Variants in PTGFRN observed in about 807,000 individuals in gnomAD.
PTGFRN encodes the protein prostaglandin F2 receptor inhibitor, also known as prostaglandin F2 receptor negative regulator.
A neutral mutation model predicts 83.2 loss-of-function variants in PTGFRN; 35 were observed. That is an observed-to-expected ratio of 0.42 (90% confidence interval 0.32 to 0.56). The LOEUF is 0.56. Among genes scored for constraint, PTGFRN ranks in the 20% least tolerant of loss-of-function variants. PTGFRN has a pLI of 0.11. For missense variants in PTGFRN, 1,051 were observed against 1,179.5 expected (o/e 0.89, Z 1.60); for synonymous variants, 519 against 498.6 (o/e 1.04, Z -0.55).
At chr1:116,945,159 G>C in intron 3 of PTGFRN, 67 bp downstream of exon 3, 2 of 1,521,340 alleles carry the variant, frequency 1.3e-6, no homozygotes, top group Non-Finnish European at 1.8e-6. Context: ...ACAAAGAACC[G>C]GGCCAGGGAG....
At chr1:116,974,151 G>A (rs968583303) in intron 6 of PTGFRN, 65 bp from the exon 7 acceptor site, 18 of 1,280,610 alleles carry the variant, frequency 1.4e-5, no homozygotes, top group Middle Eastern at 2.2e-4. Flanking sequence ...CCCTTAGAGT[G>A]CAAAGAATGG....
At position 116,988,949 on chromosome 1, in the gene PTGFRN, A is replaced by G. The variant is rs920237656; in HGVS notation, c.*1982A>G. The G allele has an allele frequency of 6.6e-6, 1 of 152,232 alleles. No homozygotes were observed. Among genetic ancestry groups the G allele is most frequent in the Non-Finnish European group, 1.5e-5 (1 of 68,044 alleles). The allele number at this position is 152,232 out of a possible 1,614,324, so 9.4% of individuals were successfully genotyped here. Reference sequence around the variant, plus strand: ...TAACATATCCTAACTGCTATTTCAGAAGAGGCAGCTTGTAGGTGATTGTAC... The same window carrying G: ...TAACATATCCTAACTGCTATTTCAGGAGAGGCAGCTTGTAGGTGATTGTAC... On this transcript the variant is annotated 3_prime_UTR_variant, in exon 9 of 9. Transcript: ENST00000393203.
At chr1:116,935,118 A>G (rs917009849) in intron 1 of PTGFRN, among the ~76,000 whole-genome samples, 3 of 152,098 alleles carry the variant, frequency 2.0e-5, no homozygotes, top group African/African-American at 7.2e-5. Flanking sequence ...ATACCCTTCA[A>G]TGTATCTTTC....
rs763508041 is a variant in PTGFRN, at chr1:116,942,103, T to A, written c.418+20T>A. The A allele has an allele frequency of 6.3e-7, 1 of 1,590,140 alleles. No individual in the cohort carries two copies. The highest frequency in any genetic ancestry group is 2.2e-5 in the East Asian group (1 of 44,514). On this transcript the variant is annotated intron_variant, in intron 2 of 8. Coordinates refer to ENST00000393203, the MANE Select transcript of PTGFRN (RefSeq NM_020440.4). ...TTAAAGGTACAGTCCTCACATGGGCTTGTTATGCCAGGGGCCAGACCTTTC... is the reference window on the plus strand; with the variant it reads ...TTAAAGGTACAGTCCTCACATGGGCATGTTATGCCAGGGGCCAGACCTTTC...
intron 4 of PTGFRN, among the ~76,000 whole-genome samples, chr1:116,960,591 G>A (rs1311920539): frequency 6.6e-6 from 1 of 152,194 alleles, no homozygotes; most frequent in Non-Finnish European, 1.5e-5. Context: ...ACATGTGGCA[G>A]TAGCGAGAAT....
At chr1:116,974,395 T>A (rs905360680) in intron 7 of PTGFRN, 72 bp downstream of exon 7, 57 of 1,192,036 alleles carry the variant, frequency 4.8e-5, no homozygotes, top group Non-Finnish European at 6.8e-5. Context: ...CCGCACTGTG[T>A]TACACAGATG....
chr1:116,910,614 G>T (rs1251441678), intron 1 of PTGFRN, among the ~76,000 whole-genome samples: 2 of 151,974 alleles, frequency 1.3e-5, no homozygotes, highest in Non-Finnish European at 2.9e-5. Context: ...AAGGTGCTGC[G>T]GTCCCGGCCC....
At chr1:116,929,779 T>A (rs1260069030) in intron 1 of PTGFRN, among the ~76,000 whole-genome samples, 2 of 152,200 alleles carry the variant, frequency 1.3e-5, no homozygotes, top group Admixed American at 6.5e-5. Flanking sequence ...CTGGTGGCCA[T>A]GTGTCCCCAG....
At chr1:116,970,716 A>C (rs917242051) in intron 6 of PTGFRN, among the ~76,000 whole-genome samples, 1 of 152,208 alleles carries the variant, frequency 6.6e-6, no homozygotes, top group Non-Finnish European at 1.5e-5. Context: ...CAAATTCAGC[A>C]CCCAGAACAA....
intron 1 of PTGFRN, among the ~76,000 whole-genome samples, chr1:116,911,083 C>T (rs1649262064): frequency 6.7e-6 from 1 of 150,292 alleles, no homozygotes; most frequent in Admixed American, 6.7e-5. Context: ...TCACTCCATA[C>T]ACAGACACCA....
At chr1:116,969,274 G>A (rs75151654) in intron 6 of PTGFRN, among the ~76,000 whole-genome samples, 9,886 of 152,092 alleles carry the variant, frequency 0.065, 385 homozygotes, top group Non-Finnish European at 0.089. Flanking sequence ...GTTAATTTTT[G>A]TATGTGGTTA....
chr1:116,917,526 A>G lies in PTGFRN; in HGVS notation c.49+7274A>G, dbSNP rs371356927. ...GAGAGCATGGAGAGAGCAGTTTGAT[A>G]TGGCATGCAGTCTCTGCAGTGATCT... On this transcript the variant is annotated intron_variant, in intron 1 of 8. Coordinates refer to ENST00000393203, the MANE Select transcript of PTGFRN (RefSeq NM_020440.4). 4.6e-5 allele frequency among the ~76,000 whole-genome samples: 7 copies of G among 152,296 alleles called. No homozygotes were observed. In the South Asian group the frequency reaches 1.5e-3, roughly 32 times the overall value.
Position 116,941,577 on chromosome 1 carries a change from A to T in PTGFRN, c.50-138A>T. 1 of 1,205,922 alleles carries T rather than the reference A, an allele frequency of 8.3e-7. No homozygotes were observed. Among genetic ancestry groups the T allele is most frequent in the African/African-American group, 1.5e-5 (1 of 65,738 alleles). The allele number at this position is 1,205,922 out of a possible 1,614,324, so 74.7% of individuals were successfully genotyped here. ...TTAAGGGTTAGGCTTAACCTTCTGCATAGATACATTTTCCCTAGTAGTTTG... is the reference window on the plus strand; with the variant it reads ...TTAAGGGTTAGGCTTAACCTTCTGCTTAGATACATTTTCCCTAGTAGTTTG... On this transcript the variant is annotated intron_variant, in intron 1 of 8. Coordinates refer to ENST00000393203, the MANE Select transcript of PTGFRN (RefSeq NM_020440.4). The surrounding 1 kb of genome is among the most constrained non-coding windows in gnomAD (Gnocchi z 5.0).
intron 6 of PTGFRN, 115 bp downstream of exon 6, chr1:116,967,445 A>G (rs1461462361): frequency 6.6e-6 from 7 of 1,068,186 alleles, no homozygotes; most frequent in Non-Finnish European, 9.3e-6. Context: ...TATGCCATAC[A>G]ATGTACCTGT....
chr1:116,962,536 G>A (rs1450386351), intron 5 of PTGFRN: 1 of 152,606 alleles, frequency 6.6e-6, no homozygotes, highest in Non-Finnish European at 1.5e-5. Flanking sequence ...TGATTTTCAT[G>A]TGCAGCCAAG....
At chr1:116,912,661 C>G (rs1451531957) in intron 1 of PTGFRN, among the ~76,000 whole-genome samples, 11 of 152,108 alleles carry the variant, frequency 7.2e-5, no homozygotes, top group Admixed American at 7.2e-4. Flanking sequence ...TAAGCTCATC[C>G]TTTTCCTAAA....
intron 1 of PTGFRN, among the ~76,000 whole-genome samples, chr1:116,914,026 C>T (rs1052624264): frequency 6.6e-6 from 1 of 152,210 alleles, no homozygotes; most frequent in African/African-American, 2.4e-5. Context: ...CTAAACTGCT[C>T]TAACAAACTC....
rs547298482 is a variant in PTGFRN, at chr1:116,954,055, G to T, written c.1213+4483G>T. ...GTATTTTTAGTAGAGATAGGGTTTC[G>T]CCACGTTGGCCAGGCTGGTCTCAAA... On this transcript the variant is annotated intron_variant, in intron 4 of 8. Transcript: ENST00000393203. Among the ~76,000 whole-genome samples the T allele has an allele frequency of 5.9e-5, 9 of 151,776 alleles. No individual in the cohort carries two copies. The South Asian group carries it at 1.7e-3, about 28-fold the overall frequency.
At position 116,979,675 on chromosome 1, in the gene PTGFRN, A is replaced by G. The variant is rs368779547; in HGVS notation, c.2168-5005A>G. Among the ~76,000 whole-genome samples the G allele has an allele frequency of 7.2e-5, 11 of 152,212 alleles. No homozygotes were observed. In the East Asian group the frequency reaches 1.7e-3, roughly 24 times the overall value. On this transcript the variant is annotated intron_variant, in intron 7 of 8. Transcript: ENST00000393203. ...GGAAAACTGGCTAGCCATATGTAGA[A>G]AGCTGAAACTGGATCCCTTCCTTAC...
Sources: gnomAD v4.1 joint callset for allele counts (sites outside exome capture counted in the v4.1 genomes callset) on GRCh38, gnomAD v4.1.1 for gene constraint, Gnocchi (gnomAD v3.1) non-coding constraint, MANE v1.5 for transcripts, NCBI Gene and HGNC (gene_info 2026-07-23, HGNC 2026-07-21) for gene names.